Variants in PDCD6IP observed in about 807,000 individuals in gnomAD.
PDCD6IP encodes programmed cell death 6-interacting protein.
Under a neutral mutation model 103.7 loss-of-function variants are expected in PDCD6IP, and 43 were observed. The ratio of observed to expected loss-of-function variants is 0.41; its 90% CI spans 0.32 to 0.53. The LOEUF (loss-of-function observed/expected upper bound fraction) is 0.53, where lower values mean the gene tolerates loss of function less well. Among genes scored for constraint, PDCD6IP ranks in the 20% least tolerant of loss-of-function variants. PDCD6IP has a pLI of 0.16. For missense variants in PDCD6IP, 871 were observed against 1,036.7 expected (o/e 0.84, Z 2.20); for synonymous variants, 354 against 378.7 (o/e 0.93, Z 0.76).
chr3:33,816,249 G>A (rs2125549624), intron 3 of PDCD6IP, among the ~76,000 whole-genome samples: 1 of 152,332 alleles, frequency 6.6e-6, no homozygotes, highest in East Asian at 1.9e-4. Context: ...GCTCACGCCT[G>A]TAATCCCAGC....
chr3:33,862,940 T>C (rs1697984736), intron 15 of PDCD6IP, among the ~76,000 whole-genome samples: 1 of 152,170 alleles, frequency 6.6e-6, no homozygotes, highest in Admixed American at 6.5e-5. Context: ...TCTCTGAAAA[T>C]GTTTACTTTT....
intron 3 of PDCD6IP, among the ~76,000 whole-genome samples, chr3:33,813,909 C>A (rs1289719622): frequency 1.3e-5 from 2 of 152,154 alleles, no homozygotes; most frequent in African/African-American, 4.8e-5. Context: ...AGCCTATGAA[C>A]AAACTCATGG....
intron 4 of PDCD6IP, among the ~76,000 whole-genome samples, chr3:33,823,049 T>C (rs1697029946): frequency 6.6e-6 from 1 of 152,186 alleles, no homozygotes; most frequent in South Asian, 2.1e-4. Flanking sequence ...AATCATGTTG[T>C]CATTTTATAT....
chr3:33,866,215 T>C (rs1698061183), intron 17 of PDCD6IP, 136 bp from the exon 18 acceptor site: 2 of 516,606 alleles, frequency 3.9e-6, no homozygotes, highest in Non-Finnish European at 6.5e-6. Flanking sequence ...TTGAAACAGT[T>C]TTTTTCACTC....
At chr3:33,842,784 T>C (rs1697506269) in intron 10 of PDCD6IP, among the ~76,000 whole-genome samples, 1 of 152,220 alleles carries the variant, frequency 6.6e-6, no homozygotes, top group African/African-American at 2.4e-5. Context: ...TGGTACAGTA[T>C]TATTACTCAG....
chr3:33,859,832 T>G (rs1026222831), intron 15 of PDCD6IP, among the ~76,000 whole-genome samples: 3 of 152,204 alleles, frequency 2.0e-5, no homozygotes, highest in Non-Finnish European at 4.4e-5. Context: ...GGGAGTCTAT[T>G]CTGAGGATAT....
intron 9 of PDCD6IP, among the ~76,000 whole-genome samples, chr3:33,839,359 GT>G (rs1697420371): frequency 6.6e-6 from 1 of 152,028 alleles, no homozygotes; most frequent in Non-Finnish European, 1.5e-5. Context: ...CTTAGAATGT[GT>G]TTTGCTTTTT....
intron 5 of PDCD6IP, among the ~76,000 whole-genome samples, chr3:33,825,691 A>G (rs1697105319): frequency 1.3e-5 from 2 of 152,254 alleles, no homozygotes; most frequent in African/African-American, 4.8e-5. Context: ...AAACGGAGTT[A>G]GAAAACAACT....
chr3:33,854,121 AT>A, intron 14 of PDCD6IP, 108 bp downstream of exon 14: 1 of 1,282,054 alleles, frequency 7.8e-7, no homozygotes, highest in Non-Finnish European at 1.0e-6. Flanking sequence ...TTTGCCTAGA[AT>A]TTTAGCTTTA....
rs796102142 is a variant in PDCD6IP, at chr3:33,799,080, A to T, written c.209+143A>T. The T allele has an allele frequency of 1.1e-5, 9 of 804,532 alleles. No homozygotes were observed. The African/African-American group carries it at 1.4e-4, about 12-fold the overall frequency. The allele number at this position is 804,532 out of a possible 1,614,324, so 49.8% of individuals were successfully genotyped here. A position where few individuals can be genotyped will look rare whatever the true frequency, so the allele number is the denominator to read the frequency against. ...GACCAGGCGCGTAGGTGTGGTCTGC[A>T]TTCTTTGCTGGTGAGCAGGACCCGC... On this transcript the variant is annotated intron_variant, in intron 1 of 17. Transcript: ENST00000307296.
chr3:33,844,509 C>T (rs1697547255), intron 11 of PDCD6IP, among the ~76,000 whole-genome samples: 1 of 152,094 alleles, frequency 6.6e-6, no homozygotes, highest in Non-Finnish European at 1.5e-5. Context: ...GAGACAAGGT[C>T]TCGCTGTGTC....
chr3:33,802,724 G>A (rs966068483), intron 1 of PDCD6IP, among the ~76,000 whole-genome samples: 12 of 151,928 alleles, frequency 7.9e-5, no homozygotes, highest in African/African-American at 2.9e-4. Flanking sequence ...TCCTGACCTC[G>A]GGTGATCCAC....
At chr3:33,859,567 C>G (rs1697906605) in intron 15 of PDCD6IP, among the ~76,000 whole-genome samples, 2 of 151,896 alleles carry the variant, frequency 1.3e-5, no homozygotes, top group South Asian at 4.1e-4. Flanking sequence ...ACAAATGGCT[C>G]TTAAATAAAT....
intron 1 of PDCD6IP, among the ~76,000 whole-genome samples, chr3:33,808,433 C>T (rs1696644884): frequency 6.6e-6 from 1 of 152,104 alleles, no homozygotes; most frequent in South Asian, 2.1e-4. Context: ...GGCCCACCAC[C>T]ACACCTGGCT....
Position 33,864,054 on chromosome 3 carries a change from T to C in PDCD6IP, c.2169T>C (p.Pro723=), listed in dbSNP as rs1698012658. The change falls in exon 16 of 18, where the codon CCT becomes CCC. Residue 723 remains proline (P), a synonymous_variant. Transcript: ENST00000307296. Reference sequence around the variant, plus strand: ...GAGAACCTAGTGCTCCTTCAATTCCTACACCTGCGTATCAGTCCTCACCAG... The same window carrying C: ...GAGAACCTAGTGCTCCTTCAATTCCCACACCTGCGTATCAGTCCTCACCAG... ...IAREPSAPSI[P]TPAYQSSPAG... is the part of the protein sequence containing the mutation. 2.5e-6 allele frequency: 4 copies of C among 1,614,006 alleles called. No individual in the cohort carries two copies. Among genetic ancestry groups the C allele is most frequent in the Non-Finnish European group, 3.4e-6 (4 of 1,179,980 alleles).
chr3:33,859,130 G>A (rs1047420289), intron 15 of PDCD6IP, among the ~76,000 whole-genome samples: 4 of 152,156 alleles, frequency 2.6e-5, no homozygotes, highest in East Asian at 1.9e-4. Context: ...AAATACATAC[G>A]TGAATTTAGT....
intron 15 of PDCD6IP, among the ~76,000 whole-genome samples, chr3:33,861,301 G>C (rs932648382): frequency 6.6e-6 from 1 of 152,026 alleles, no homozygotes; most frequent in African/African-American, 2.4e-5. Context: ...CCACCACCAA[G>C]CCCAGCTAAT....
Position 33,813,578 on chromosome 3 carries a change from G to A in PDCD6IP, c.284G>A (p.Trp95Ter), listed in dbSNP as rs1203084291. ...ATCCAGATCTGCTTGACATTTACCT[G>A]GAAGGATGCTTTCGATAAAGGTTCA... is the stretch of plus-strand genomic sequence containing the variant. ...SENQICLTFT[W>*]KDAFDKGSLF... The change falls in exon 3 of 18, where the codon TGG becomes TAG. Residue 95 changes from tryptophan to a stop codon, truncating the protein, a stop_gained. Coordinates refer to ENST00000307296, the MANE Select transcript of PDCD6IP (RefSeq NM_013374.6). LOFTEE classifies it high-confidence loss of function. 1 of 1,607,812 alleles carries A rather than the reference G, an allele frequency of 6.2e-7. No homozygotes were observed. Among genetic ancestry groups the A allele is most frequent in the East Asian group, 2.2e-5 (1 of 44,744 alleles).
chr3:33,847,520 G>A (rs1163228741), intron 12 of PDCD6IP, among the ~76,000 whole-genome samples: 1 of 151,836 alleles, frequency 6.6e-6, no homozygotes, highest in Non-Finnish European at 1.5e-5. Context: ...GGTTATAATA[G>A]TTGATGACGG....
Sources: gnomAD v4.1 joint callset for allele counts (sites outside exome capture counted in the v4.1 genomes callset) on GRCh38, gnomAD v4.1.1 for gene constraint, MANE v1.5 for transcripts, NCBI Gene and HGNC (gene_info 2026-07-23, HGNC 2026-07-21) for gene names.